ATP8A1: variants seen among roughly 807,000 people sequenced by gnomAD.
ATP8A1 encodes the protein ATPase phospholipid transporting 8A1, also known as phospholipid-transporting ATPase IA.
ATP8A1 carries 90 observed loss-of-function variants against 177.7 expected under a neutral mutation model. The observed-to-expected ratio is 0.51, with a 90% CI of 0.43 to 0.60. The LOEUF is 0.60. ATP8A1 is among the 20% of genes least tolerant of loss of function. The pLI is 0.00. For missense variants in ATP8A1, 1,072 were observed against 1,392.8 expected (o/e 0.77, Z 3.67); for synonymous variants, 493 against 485.9 (o/e 1.01, Z -0.19).
rs770024010 is a variant in ATP8A1 at position 42,443,618 on chromosome 4, T to C, written c.3070A>G (p.Ile1024Val). The change falls in exon 33 of 37, where the codon ATC becomes GTC. Residue 1024 changes from isoleucine (I) to valine (V), a missense_variant. Ile to Val is a conservative substitution (Grantham distance 29). Coordinates refer to ENST00000381668, the MANE Select transcript of ATP8A1 (RefSeq NM_006095.2). ...SIALWVVFFGIYSSLWPAIPM... is the reference protein window; with the variant it reads ...SIALWVVFFGVYSSLWPAIPM... ...ATGGCAGGCCACAGAGATGAGTAGA[T>C]TCCAAAAAACACCACCCAGAGTGCG... is the stretch of plus-strand genomic sequence containing the variant. The C allele has an allele frequency of 2.6e-6, 4 of 1,567,294 alleles. No homozygotes were observed. In the African/African-American group the frequency reaches 5.4e-5, roughly 21 times the overall value.
rs1712365623 is a variant in ATP8A1 at position 42,409,586 on chromosome 4, T to A, written c.*3330A>T. 6.6e-6 allele frequency: 1 copy of A among 152,150 alleles called. No homozygotes were observed. Among genetic ancestry groups the A allele is most frequent in the South Asian group, 2.1e-4 (1 of 4,826 alleles). The allele number at this position is 152,150 out of a possible 1,614,324, so 9.4% of individuals were successfully genotyped here. On this transcript the variant is annotated 3_prime_UTR_variant, in exon 37 of 37. Coordinates refer to ENST00000381668, the MANE Select transcript of ATP8A1 (RefSeq NM_006095.2). The stretch of plus-strand genomic sequence containing the variant: ...GATGACTATTTGTAAGATTATACAC[T>A]TAATAGGTTTTAAAACCAGGAACTA...
chr4:42,486,248 A>AAGGAGAACAAAGG (rs1433657615), intron 24 of ATP8A1, among the ~76,000 whole-genome samples: 2 of 152,164 alleles, frequency 1.3e-5, no homozygotes. Context: ...GGCAAAGGTA[A>AAGGAGAACAAAGG]AGGAGAACAA....
Position 42,547,437 on chromosome 4 carries a change from C to T in ATP8A1, c.1652+1576G>A, listed in dbSNP as rs148879060. ...CTTTTCTCATGTTCATTCTTAAACCCACCTTCATCATTGAGTCCTGAAAGA... is the reference window on the plus strand; with the variant it reads ...CTTTTCTCATGTTCATTCTTAAACCTACCTTCATCATTGAGTCCTGAAAGA... On this transcript the variant is annotated intron_variant, in intron 19 of 36. Transcript: ENST00000381668. 2.7e-3 allele frequency among the ~76,000 whole-genome samples: 410 copies of T among 152,238 alleles called. 1 individual carries two copies. Among genetic ancestry groups the T allele is most frequent in the Admixed American group, 5.0e-3 (77 of 15,292 alleles).
At chr4:42,603,882 T>C (rs1560508925) in intron 5 of ATP8A1, among the ~76,000 whole-genome samples, 1 of 152,236 alleles carries the variant, frequency 6.6e-6, no homozygotes, top group Non-Finnish European at 1.5e-5. Flanking sequence ...TATAATTACA[T>C]ATTATTATGT....
At chr4:42,636,936 C>G (rs1739453816) in intron 1 of ATP8A1, among the ~76,000 whole-genome samples, 1 of 152,218 alleles carries the variant, frequency 6.6e-6, no homozygotes, top group African/African-American at 2.4e-5. Context: ...CTCAACCTTT[C>G]TCTAAGCGTT....
At chr4:42,567,538 TAACAAAC>T (rs1731482722) in intron 15 of ATP8A1, among the ~76,000 whole-genome samples, 1 of 152,152 alleles carries the variant, frequency 6.6e-6, no homozygotes, top group South Asian at 2.1e-4. Flanking sequence ...GACTCCCTCT[TAACAAAC>T]AACTCACTTT....
In ATP8A1 at chr4:42,436,731, T is replaced by C. The variant is rs369695114; in HGVS notation, c.3123+6834A>G. 3.3e-4 allele frequency among the ~76,000 whole-genome samples: 50 copies of C among 152,240 alleles called. 1 individual carries two copies. Among genetic ancestry groups the C allele is most frequent in the African/African-American group, 1.0e-3 (42 of 41,552 alleles). ...TAAACACAGTAATCTCAGATGAAAC[T>C]CCATCATATCATAACACTGCCCCAC... On this transcript the variant is annotated intron_variant, in intron 33 of 36. Coordinates refer to ENST00000381668, the MANE Select transcript of ATP8A1 (RefSeq NM_006095.2).
chr4:42,431,605 G>A (rs1715313526), intron 33 of ATP8A1, among the ~76,000 whole-genome samples: 2 of 152,112 alleles, frequency 1.3e-5, no homozygotes, highest in Admixed American at 1.3e-4. Context: ...GAGTTAACAA[G>A]TTAGAGAAAA....
intron 1 of ATP8A1, among the ~76,000 whole-genome samples, chr4:42,638,602 G>C (rs567085861): frequency 6.6e-6 from 1 of 152,140 alleles, no homozygotes; most frequent in South Asian, 2.1e-4. Flanking sequence ...ATTTACTAAC[G>C]CCATTTCATG....
intron 25 of ATP8A1, among the ~76,000 whole-genome samples, chr4:42,485,256 A>G (rs1445801368): frequency 6.6e-6 from 1 of 152,220 alleles, no homozygotes; most frequent in Admixed American, 6.5e-5. Flanking sequence ...TTTTAAACAA[A>G]GATAATGGCA....
chr4:42,489,032 G>A (rs1364099894), intron 24 of ATP8A1, among the ~76,000 whole-genome samples: 1 of 152,070 alleles, frequency 6.6e-6, no homozygotes, highest in Non-Finnish European at 1.5e-5. Flanking sequence ...AAGAGAGAGA[G>A]TAAGAGAGAG....
intron 25 of ATP8A1, among the ~76,000 whole-genome samples, chr4:42,473,038 C>A (rs966739341): frequency 6.6e-6 from 1 of 152,012 alleles, no homozygotes; most frequent in Non-Finnish European, 1.5e-5. Context: ...TCTAGATACT[C>A]AGAAGTTTAG....
intron 33 of ATP8A1, among the ~76,000 whole-genome samples, chr4:42,434,292 A>C (rs1715658821): frequency 1.3e-5 from 2 of 152,158 alleles, no homozygotes; most frequent in South Asian, 4.2e-4. Context: ...TACTTGTTAC[A>C]CCATTCTTAC....
chr4:42,605,607 C>T (rs192349940), intron 5 of ATP8A1, among the ~76,000 whole-genome samples: 2 of 152,296 alleles, frequency 1.3e-5, no homozygotes, highest in East Asian at 1.9e-4. Flanking sequence ...TTCTGCCGTC[C>T]TCCTTCAAAT....
intron 27 of ATP8A1, among the ~76,000 whole-genome samples, chr4:42,461,499 C>T (rs1719153361): frequency 6.6e-6 from 1 of 152,172 alleles, no homozygotes. Context: ...GCTTTGCCTG[C>T]TGCCACCCAT....
chr4:42,575,892 T>C (rs76864197), intron 12 of ATP8A1, among the ~76,000 whole-genome samples, 193 bp from the exon 13 acceptor site: 1,770 of 152,344 alleles, frequency 0.012, 31 homozygotes, highest in African/African-American at 0.04. Flanking sequence ...CAGACTACTA[T>C]ATTCCACAGT....
intron 15 of ATP8A1, 111 bp from the exon 16 acceptor site, chr4:42,556,151 T>A: frequency 1.6e-6 from 1 of 618,240 alleles, no homozygotes; most frequent in Non-Finnish European, 2.7e-6. Flanking sequence ...CTCAATAAAT[T>A]AAATGTAATT....
At chr4:42,429,070 T>C (rs772851605) in intron 33 of ATP8A1, among the ~76,000 whole-genome samples, 14 of 152,314 alleles carry the variant, frequency 9.2e-5, no homozygotes, top group Non-Finnish European at 1.6e-4. Flanking sequence ...AACCTAGTGT[T>C]GTAGAAACTA....
At chr4:42,514,825 A>G (rs1578085885) in intron 22 of ATP8A1, among the ~76,000 whole-genome samples, 1 of 152,232 alleles carries the variant, frequency 6.6e-6, no homozygotes, top group Admixed American at 6.5e-5. Flanking sequence ...CTAAGAATCA[A>G]CTTTCACAAC....
Sources: gnomAD v4.1 joint callset for allele counts (sites outside exome capture counted in the v4.1 genomes callset) on GRCh38, gnomAD v4.1.1 for gene constraint, MANE v1.5 for transcripts, NCBI Gene and HGNC (gene_info 2026-07-23, HGNC 2026-07-21) for gene names.